AP2A2: variants seen among roughly 807,000 people sequenced by gnomAD.
The protein encoded by AP2A2 is AP-2 complex subunit alpha-2.
AP2A2 carries 32 observed loss-of-function variants against 104.2 expected under a neutral mutation model. That is an observed-to-expected ratio of 0.31 (90% CI 0.23 to 0.41). The LOEUF is 0.41. Among genes scored for constraint, AP2A2 ranks in the 10% least tolerant of loss-of-function variants. The pLI, the probability that AP2A2 is intolerant of heterozygous loss-of-function variation, is 1.00. For synonymous variants in AP2A2, 539 were observed against 533.3 expected (o/e 1.01, Z -0.15); for missense variants, 912 against 1,261.0 (o/e 0.72, Z 4.19).
rs574874458 is a variant in AP2A2, at chr11:936,058, C to A, written c.67+9970C>A. 1.2e-4 allele frequency among the ~76,000 whole-genome samples: 18 copies of A among 150,318 alleles called. No individual in the cohort carries two copies. The South Asian group carries it at 3.8e-3, about 32-fold the overall frequency. Reference sequence around the variant, plus strand: ...CTGGGACTACAGGCGCCCACCACCACGCCTGCCTAATTTTTTTTTTTTTTA... The same window carrying A: ...CTGGGACTACAGGCGCCCACCACCAAGCCTGCCTAATTTTTTTTTTTTTTA... On this transcript the variant is annotated intron_variant, in intron 1 of 21. Transcript: ENST00000448903.
rs1456503231 is a variant in AP2A2, at chr11:1,011,334, G to A, written c.*709G>A. On this transcript the variant is annotated 3_prime_UTR_variant, in exon 22 of 22. Transcript: ENST00000448903. ...GAGGAGCGTCCTGCCGGCCCCGCAG[G>A]GCCCCCAGGACTCCAGGGTAAAGTG... The A allele has an allele frequency of 1.9e-6, 1 of 518,498 alleles. No homozygotes were observed. The highest frequency in any genetic ancestry group is 1.9e-5 in the African/African-American group (1 of 51,936). The allele number at this position is 518,498 out of a possible 1,614,324, so 32.1% of individuals were successfully genotyped here. A position where few individuals can be genotyped will look rare whatever the true frequency, so the allele number is the denominator to read the frequency against.
Position 1,008,033 on chromosome 11 carries a change from C to T in AP2A2, c.2318C>T (p.Pro773Leu), listed in dbSNP as rs765040905. The T allele has an allele frequency of 1.9e-6, 3 of 1,563,112 alleles. No individual in the cohort carries two copies. Among genetic ancestry groups the T allele is most frequent in the Non-Finnish European group, 2.6e-6 (3 of 1,154,482 alleles). ...GCACACCTGAACCTGCAGACCAAGC[C>T]CGTGGACCCGACCGTGGAGGGGGGC... ...LQPNLNLQTK[P>L]VDPTVEGGAQ... is the part of the protein sequence containing the mutation. Residue 773 changes from proline (P) to leucine (L), a missense_variant, in exon 18 of 22, where the codon CCC (proline) becomes CTC (leucine). Coordinates refer to ENST00000448903, the MANE Select transcript of AP2A2 (RefSeq NM_012305.4).
chr11:989,758 C>T (rs577083398), intron 10 of AP2A2, among the ~76,000 whole-genome samples: 1 of 152,334 alleles, frequency 6.6e-6, no homozygotes, highest in South Asian at 2.1e-4. Flanking sequence ...CCACCACACT[C>T]ACAGGCCTCT....
At chr11:975,976 C>T (rs919410091) in intron 4 of AP2A2, among the ~76,000 whole-genome samples, 6 of 152,168 alleles carry the variant, frequency 3.9e-5, no homozygotes, top group African/African-American at 1.2e-4. Flanking sequence ...GCATGCTGGG[C>T]GCCCTCGTGT....
chr11:946,770 C>CAAAAA (rs371840144), intron 1 of AP2A2: 1 of 114,212 alleles, frequency 8.8e-6, no homozygotes. Context: ...GATCCTGTCT[C>CAAAAA]AAAAAAAAAG....
rs1425594702 is a variant in AP2A2 at position 1,009,951 on chromosome 11, A to C, written c.2742+134A>C. 9 of 1,179,280 alleles carry C rather than the reference A, an allele frequency of 7.6e-6. No individual in the cohort carries two copies. The African/African-American group carries it at 1.4e-4, about 18-fold the overall frequency. 73.1% of individuals were successfully genotyped at this position (1,179,280 alleles called of 1,614,324 possible). On this transcript the variant is annotated intron_variant, in intron 21 of 21. Transcript: ENST00000448903. Reference sequence around the variant, plus strand: ...ATGTTGTTTAACCACCACCCTGTCAATACATGGTTGCCTCCCAGCCTCCCC... The same window carrying C: ...ATGTTGTTTAACCACCACCCTGTCACTACATGGTTGCCTCCCAGCCTCCCC...
chr11:931,126 T>C (rs900853852), intron 1 of AP2A2, among the ~76,000 whole-genome samples: 5 of 152,216 alleles, frequency 3.3e-5, no homozygotes, highest in African/African-American at 7.2e-5. Flanking sequence ...TCACATCATA[T>C]GTGATCTTTT....
At chr11:943,809 G>A (rs1008812154) in intron 1 of AP2A2, among the ~76,000 whole-genome samples, 18 of 150,582 alleles carry the variant, frequency 1.2e-4, no homozygotes, top group African/African-American at 3.7e-4. Context: ...AGGTGGCAGC[G>A]GAGATGGCGA....
chr11:961,213 G>A (rs1323083965), intron 2 of AP2A2, among the ~76,000 whole-genome samples: 1 of 127,684 alleles, frequency 7.8e-6, no homozygotes, highest in East Asian at 2.2e-4. Context: ...GAAGCAGATG[G>A]AGATGTGGGT....
chr11:986,059 C>T (rs541569379), intron 8 of AP2A2, among the ~76,000 whole-genome samples: 5 of 152,360 alleles, frequency 3.3e-5, no homozygotes, highest in African/African-American at 9.6e-5. Flanking sequence ...TCTGCTCCCA[C>T]GCCTTCTCTG....
At chr11:965,350 A>C (rs556996644) in intron 2 of AP2A2, among the ~76,000 whole-genome samples, 1 of 152,182 alleles carries the variant, frequency 6.6e-6, no homozygotes, top group South Asian at 2.1e-4. Context: ...TCTCGTGGTT[A>C]TGTCTGTCTG....
intron 1 of AP2A2, among the ~76,000 whole-genome samples, chr11:947,933 G>T (rs1853908176): frequency 6.6e-6 from 1 of 152,108 alleles, no homozygotes; most frequent in South Asian, 2.1e-4. Context: ...TTCAGCCTGG[G>T]TGACAAAGCA....
chr11:1,008,151 G>A lies in AP2A2; in HGVS notation c.2420+16G>A, dbSNP rs1267358898. The A allele has an allele frequency of 1.3e-6, 2 of 1,587,108 alleles. No individual in the cohort carries two copies. The highest frequency in any genetic ancestry group is 2.3e-5 in the East Asian group (1 of 44,308). ...TTCAGTTCAGGTAAGAGCCGCCTGT[G>A]CGCCCCGGGCCAAGGGGTGTGTGGG... is the stretch of plus-strand genomic sequence containing the variant. On this transcript the variant is annotated intron_variant, in intron 18 of 21. Coordinates refer to ENST00000448903, the MANE Select transcript of AP2A2 (RefSeq NM_012305.4).
In AP2A2 at chr11:1,010,750, G is replaced by GCCCCA. The variant is rs1564826328; in HGVS notation, c.*127_*128insCCACC. 2.5e-6 allele frequency: 2 copies of GCCCCA among 794,742 alleles called. No individual in the cohort carries two copies. Among genetic ancestry groups the GCCCCA allele is most frequent in the East Asian group, 5.3e-5 (2 of 37,542 alleles). 49.2% of individuals were successfully genotyped at this position (794,742 alleles called of 1,614,324 possible). A position where few individuals can be genotyped will look rare whatever the true frequency, so the allele number is the denominator to read the frequency against. ...ACAGCACAAGGCGCCTCCCCGCCCC[G>GCCCCA]CCGCCCCACACCTCTCCCCTTTGGG... On this transcript the variant is annotated 3_prime_UTR_variant, in exon 22 of 22. Coordinates refer to ENST00000448903, the MANE Select transcript of AP2A2 (RefSeq NM_012305.4).
intron 1 of AP2A2, among the ~76,000 whole-genome samples, chr11:958,941 G>A (rs1403583053): frequency 6.6e-6 from 1 of 152,236 alleles, no homozygotes; most frequent in Non-Finnish European, 1.5e-5. Flanking sequence ...TTTTGCGACT[G>A]CAGTTGATCG....
intron 15 of AP2A2, among the ~76,000 whole-genome samples, chr11:1,002,591 C>T (rs1288629958): frequency 6.6e-6 from 1 of 152,238 alleles, no homozygotes; most frequent in Non-Finnish European, 1.5e-5. Context: ...TGGGGCATTG[C>T]GTGGCGAGCA....
At chr11:972,724 A>C (rs1290575214) in intron 4 of AP2A2, among the ~76,000 whole-genome samples, 6 of 152,246 alleles carry the variant, frequency 3.9e-5, no homozygotes, top group Non-Finnish European at 8.8e-5. Context: ...TTACAAGTTT[A>C]GATTTCAATT....
chr11:1,003,563 T>A (rs775568629), intron 15 of AP2A2, 159 bp from the exon 16 acceptor site: 5 of 514,922 alleles, frequency 9.7e-6, no homozygotes, highest in Non-Finnish European at 1.4e-5. Flanking sequence ...AGTGGCTGTT[T>A]GTCAGGATAG....
At chr11:953,012 C>T (rs1432169080) in intron 1 of AP2A2, among the ~76,000 whole-genome samples, 1 of 152,294 alleles carries the variant, frequency 6.6e-6, no homozygotes. Flanking sequence ...TTGTTACCTG[C>T]GTCCGTCATG....
Sources: allele counts gnomAD v4.1 joint callset (sites outside exome capture counted in the v4.1 genomes callset), GRCh38; gene constraint gnomAD v4.1.1; transcripts MANE v1.5; gene names NCBI Gene and HGNC (gene_info 2026-07-23, HGNC 2026-07-21).